PAPPA2: variants seen among roughly 807,000 people sequenced by gnomAD.
The protein encoded by PAPPA2 is pappalysin 2, also known as pappalysin-2.
Under a neutral mutation model 176.4 loss-of-function variants are expected in PAPPA2, and 86 were observed. The ratio of observed to expected loss-of-function variants is 0.49; its 90% CI spans 0.41 to 0.58. PAPPA2 has a LOEUF of 0.58. PAPPA2 is among the 20% of genes least tolerant of loss of function. The probability of loss-of-function intolerance (pLI) is 0.00; values close to 1 mark genes in which losing one functional copy is unlikely to be tolerated. For missense variants in PAPPA2, 2,073 were observed against 2,256.9 expected (o/e 0.92, Z 1.65); for synonymous variants, 809 against 852.2 (o/e 0.95, Z 0.88).
At chr1:176,758,757 T>TA (rs573441619) in intron 14 of PAPPA2, among the ~76,000 whole-genome samples, 52 of 152,234 alleles carry the variant, frequency 3.4e-4, no homozygotes, top group African/African-American at 1.2e-3. Flanking sequence ...GACATTACGC[T>TA]AAAAAAATAT....
Position 176,463,311 on chromosome 1 carries a change from C to A in PAPPA2, c.-1024C>A, listed in dbSNP as rs141607619. 6.6e-6 allele frequency: 1 copy of A among 152,212 alleles called. No individual in the cohort carries two copies. Among genetic ancestry groups the A allele is most frequent in the African/African-American group, 2.4e-5 (1 of 41,458 alleles). 9.4% of individuals were successfully genotyped at this position (152,212 alleles called of 1,614,324 possible). On this transcript the variant is annotated 5_prime_UTR_variant, in exon 1 of 23. Transcript: ENST00000367662. ...CTCACAACAGTGTCAAGAGCCTGGACGCCAGCCAGGATTGAGGTCCTACGG... is the reference window on the plus strand; with the variant it reads ...CTCACAACAGTGTCAAGAGCCTGGAAGCCAGCCAGGATTGAGGTCCTACGG...
chr1:176,666,561 A>ATGTGTGTG (rs139660279), intron 3 of PAPPA2, among the ~76,000 whole-genome samples: 35 of 109,526 alleles, frequency 3.2e-4, no homozygotes, highest in Admixed American at 5.7e-4. Context: ...GTAAATATAT[A>ATGTGTGTG]TGTGTGTGTG....
In PAPPA2 at chr1:176,669,114, G is replaced by T. The variant is rs150204598; in HGVS notation, c.1992-1856G>T. On this transcript the variant is annotated intron_variant, in intron 3 of 22. Transcript: ENST00000367662. ...CCAAGTAAGCCATGTCAGGAGCAGG[G>T]AGGTTGGAGAAGTGCCTGAGGAGAA... Among the ~76,000 whole-genome samples, 58 of 152,252 alleles carry T rather than the reference G, an allele frequency of 3.8e-4. 1 individual carries two copies. The highest frequency in any genetic ancestry group is 6.6e-4 in the Non-Finnish European group (45 of 68,018).
At chr1:176,635,016 T>C (rs898277536) in intron 3 of PAPPA2, among the ~76,000 whole-genome samples, 3 of 149,990 alleles carry the variant, frequency 2.0e-5, no homozygotes, top group Middle Eastern at 3.2e-3. Flanking sequence ...GATAGATAGA[T>C]GCACAGCAAA....
chr1:176,515,686 T>C (rs1648870361), intron 1 of PAPPA2, among the ~76,000 whole-genome samples: 1 of 152,174 alleles, frequency 6.6e-6, no homozygotes, highest in African/African-American at 2.4e-5. Flanking sequence ...AGGCTGGCTT[T>C]GAGATGCAGT....
At chr1:176,620,747 A>G (rs1182841100) in intron 3 of PAPPA2, among the ~76,000 whole-genome samples, 2 of 152,232 alleles carry the variant, frequency 1.3e-5, no homozygotes, top group Non-Finnish European at 2.9e-5. Context: ...GAAAAATTAT[A>G]GCTTAAAACC....
chr1:176,819,927 C>CT (rs1666588218), intron 21 of PAPPA2, among the ~76,000 whole-genome samples: 1 of 152,320 alleles, frequency 6.6e-6, no homozygotes, highest in East Asian at 1.9e-4. Context: ...ATTAAGGAGA[C>CT]TAACAACAGC....
intron 21 of PAPPA2, among the ~76,000 whole-genome samples, chr1:176,815,412 C>G (rs1666333277): frequency 1.3e-5 from 2 of 152,140 alleles, no homozygotes; most frequent in South Asian, 4.1e-4. Flanking sequence ...GTTCCTACCC[C>G]TCTGCTCCTA....
At chr1:176,527,696 C>T in intron 1 of PAPPA2, among the ~76,000 whole-genome samples, 1 of 152,228 alleles carries the variant, frequency 6.6e-6, no homozygotes, top group East Asian at 1.9e-4. Context: ...TTCTAGACCC[C>T]TGTGTCCCTA....
At chr1:176,649,659 T>C (rs996444834) in intron 3 of PAPPA2, among the ~76,000 whole-genome samples, 2 of 151,604 alleles carry the variant, frequency 1.3e-5, no homozygotes, top group African/African-American at 4.8e-5. Context: ...TTCATTGATG[T>C]AATGGTCACT....
At chr1:176,516,210 C>T (rs1648900546) in intron 1 of PAPPA2, among the ~76,000 whole-genome samples, 1 of 151,962 alleles carries the variant, frequency 6.6e-6, no homozygotes, top group Non-Finnish European at 1.5e-5. Flanking sequence ...TGTTGAGTGT[C>T]TCACCACAAA....
Position 176,739,630 on chromosome 1 carries a change from G to T in PAPPA2, c.3803G>T (p.Cys1268Phe), listed in dbSNP as rs769334188. ...KKEDEVWLKVCFNRPGEARAI... is the reference protein window; with the variant it reads ...KKEDEVWLKVFFNRPGEARAI... ...CATAAATGTGCTTATGCTTAGGTGTGTTTCAATAGACCAGGAGAGGCCAGA... is the reference window on the plus strand; with the variant it reads ...CATAAATGTGCTTATGCTTAGGTGTTTTTCAATAGACCAGGAGAGGCCAGA... Residue 1268 changes from cysteine (C) to phenylalanine (F), a missense_variant, in exon 13 of 23, where the codon TGT (cysteine) becomes TTT (phenylalanine). Physicochemically the swap from Cys to Phe is radical, Grantham distance 205 (BLOSUM62 -2). Coordinates refer to ENST00000367662, the MANE Select transcript of PAPPA2 (RefSeq NM_020318.3). 5.6e-6 allele frequency: 9 copies of T among 1,612,854 alleles called. No homozygotes were observed. In the East Asian group the frequency reaches 1.8e-4, roughly 32 times the overall value.
chr1:176,727,989 C>T lies in PAPPA2; in HGVS notation c.3799-11637C>T, dbSNP rs556610591. ...GAAACAAAATTGAAATTTGTGGATG[C>T]AATTAAAAAAAGTACTTACAGGGAA... On this transcript the variant is annotated intron_variant, in intron 12 of 22. Coordinates refer to ENST00000367662, the MANE Select transcript of PAPPA2 (RefSeq NM_020318.3). Among the ~76,000 whole-genome samples, 13 of 151,270 alleles carry T rather than the reference C, an allele frequency of 8.6e-5. 1 individual carries two copies. The South Asian group carries it at 2.7e-3, about 31-fold the overall frequency.
At chr1:176,551,276 A>G (rs1176202352) in intron 1 of PAPPA2, among the ~76,000 whole-genome samples, 1 of 152,188 alleles carries the variant, frequency 6.6e-6, no homozygotes, top group Non-Finnish European at 1.5e-5. Flanking sequence ...TCCAATAAAC[A>G]TATTGCTGAA....
intron 2 of PAPPA2, among the ~76,000 whole-genome samples, chr1:176,569,494 T>A (rs1368348709): frequency 6.6e-6 from 1 of 152,274 alleles, no homozygotes. Flanking sequence ...TACTGTGCCT[T>A]ATCAAGACAC....
At chr1:176,802,625 G>C (rs1665730032) in intron 21 of PAPPA2, among the ~76,000 whole-genome samples, 1 of 151,724 alleles carries the variant, frequency 6.6e-6, no homozygotes, top group South Asian at 2.1e-4. Context: ...TATCTAAAAG[G>C]GTTTTCTGCT....
At chr1:176,806,577 T>G (rs923738451) in intron 21 of PAPPA2, among the ~76,000 whole-genome samples, 9 of 152,230 alleles carry the variant, frequency 5.9e-5, no homozygotes, top group Non-Finnish European at 1.3e-4. Context: ...AAACAAAGGC[T>G]TAACACAGCT....
chr1:176,684,579 T>C (rs904600864), intron 4 of PAPPA2, among the ~76,000 whole-genome samples: 1 of 152,220 alleles, frequency 6.6e-6, no homozygotes, highest in Non-Finnish European at 1.5e-5. Flanking sequence ...TCATATTTTA[T>C]CTGTCATCTG....
At position 176,834,699 on chromosome 1, in the gene PAPPA2, G is replaced by A. The variant is rs996095649; in HGVS notation, c.5203-5474G>A. 7.9e-5 allele frequency among the ~76,000 whole-genome samples: 12 copies of A among 152,318 alleles called. No homozygotes were observed. In the South Asian group the frequency reaches 2.5e-3, roughly 32 times the overall value. ...GGAGTGAAGTTGTGGGCTGGGTGTGGTGGCTCACGCCTGTAATCCCAGCAC... is the reference window on the plus strand; with the variant it reads ...GGAGTGAAGTTGTGGGCTGGGTGTGATGGCTCACGCCTGTAATCCCAGCAC... On this transcript the variant is annotated intron_variant, in intron 21 of 22. Transcript: ENST00000367662.
Sources: gnomAD v4.1 joint callset for allele counts (sites outside exome capture counted in the v4.1 genomes callset) on GRCh38, gnomAD v4.1.1 for gene constraint, MANE v1.5 for transcripts, NCBI Gene and HGNC (gene_info 2026-07-23, HGNC 2026-07-21) for gene names.